The following UBE2E3 variants were observed in gnomAD, a reference collection of about 807,000 sequenced individuals.
UBE2E3 encodes the protein ubiquitin-conjugating enzyme E2 E3.
In UBE2E3, 5 loss-of-function variants were observed where a neutral mutation model predicts 23.6. That is an observed-to-expected ratio of 0.21 (90% CI 0.11 to 0.44). The LOEUF (loss-of-function observed/expected upper bound fraction) is 0.44. UBE2E3 is among the 20% of genes least tolerant of loss of function. The pLI is 0.99. For synonymous variants in UBE2E3, 78 were observed against 87.5 expected, an observed-to-expected ratio of 0.89 and a Z score of 0.60; for missense variants, 81 against 249.8, an observed-to-expected ratio of 0.32 and a Z score of 4.55.
chr2:180,985,888 A>G (rs1204348790), intron 3 of UBE2E3, among the ~76,000 whole-genome samples: 3 of 139,188 alleles, frequency 2.2e-5, no homozygotes, highest in Non-Finnish European at 5.0e-5. Flanking sequence ...GTGCCCTCAG[A>G]GCAATAGCCT....
chr2:180,992,927 C>CT (rs528824327), intron 3 of UBE2E3, among the ~76,000 whole-genome samples: 94 of 152,304 alleles, frequency 6.2e-4, no homozygotes, highest in African/African-American at 2.2e-3. Flanking sequence ...GGCTGCTCCA[C>CT]TTTACAAAAC....
chr2:181,002,498 C>T (rs1685019601), intron 3 of UBE2E3, among the ~76,000 whole-genome samples: 1 of 152,036 alleles, frequency 6.6e-6, no homozygotes, highest in Admixed American at 6.6e-5. Flanking sequence ...GATTTGATTG[C>T]CATGATTTAC....
intron 3 of UBE2E3, among the ~76,000 whole-genome samples, chr2:181,034,540 G>A (rs1297615144): frequency 1.3e-5 from 2 of 152,160 alleles, no homozygotes; most frequent in East Asian, 3.9e-4. Flanking sequence ...GGTGGGGGGA[G>A]CGGGGAGAGA....
intron 3 of UBE2E3, among the ~76,000 whole-genome samples, chr2:180,992,135 T>A (rs1388813653): frequency 1.3e-5 from 2 of 152,188 alleles, no homozygotes; most frequent in Non-Finnish European, 2.9e-5. Context: ...TTTGTTGGGT[T>A]TTTTGTCTTG....
chr2:181,015,333 T>C (rs1033826665), intron 3 of UBE2E3, among the ~76,000 whole-genome samples: 45 of 152,214 alleles, frequency 3.0e-4, no homozygotes, highest in African/African-American at 1.1e-3. Context: ...ATGTGTTCTT[T>C]GTGAACTAAA....
chr2:181,037,279 T>C (rs1007451515), intron 3 of UBE2E3, among the ~76,000 whole-genome samples: 2 of 152,228 alleles, frequency 1.3e-5, no homozygotes, highest in Non-Finnish European at 2.9e-5. Flanking sequence ...TTATTGTTAT[T>C]TTAGAGTGTA....
At chr2:181,060,588 C>A in intron 4 of UBE2E3, 77 bp from the exon 5 acceptor site, 1 of 1,310,646 alleles carries the variant, frequency 7.6e-7, no homozygotes, top group South Asian at 1.7e-5. Context: ...TGATATATTA[C>A]CCTTCATTTT....
At chr2:181,035,919 T>G (rs1266967995) in intron 3 of UBE2E3, among the ~76,000 whole-genome samples, 1 of 146,958 alleles carries the variant, frequency 6.8e-6, no homozygotes, top group African/African-American at 2.5e-5. Context: ...TTTATTTTGT[T>G]TGGTGTTGAA....
chr2:180,993,366 G>T (rs1053740400), intron 3 of UBE2E3, among the ~76,000 whole-genome samples: 2 of 152,142 alleles, frequency 1.3e-5, no homozygotes, highest in Admixed American at 6.5e-5. Flanking sequence ...GACTAGTTAT[G>T]CCATTCCAAA....
chr2:180,993,322 C>A (rs1684726350), intron 3 of UBE2E3, among the ~76,000 whole-genome samples: 2 of 152,190 alleles, frequency 1.3e-5, no homozygotes, highest in African/African-American at 4.8e-5. Flanking sequence ...TTGAAAGGAA[C>A]TGTGGTGTAG....
At chr2:181,056,649 C>T (rs939427413) in intron 3 of UBE2E3, among the ~76,000 whole-genome samples, 2 of 151,706 alleles carry the variant, frequency 1.3e-5, no homozygotes, top group African/African-American at 2.4e-5. Context: ...AACATTGCCG[C>T]GTTTGGGGGT....
chr2:181,058,148 CT>C (rs1478461608), intron 4 of UBE2E3, among the ~76,000 whole-genome samples: 1 of 151,658 alleles, frequency 6.6e-6, no homozygotes, highest in Non-Finnish European at 1.5e-5. Context: ...CCTTAATTAA[CT>C]ATTAAGGTAT....
At chr2:181,054,809 T>C (rs1302675702) in intron 3 of UBE2E3, among the ~76,000 whole-genome samples, 3 of 151,628 alleles carry the variant, frequency 2.0e-5, no homozygotes, top group Admixed American at 1.3e-4. Flanking sequence ...ACAGTATATG[T>C]AGGTAGAAAA....
chr2:180,989,214 A>G (rs568058097), intron 3 of UBE2E3, among the ~76,000 whole-genome samples: 1 of 152,238 alleles, frequency 6.6e-6, no homozygotes, highest in East Asian at 1.9e-4. Flanking sequence ...TCTTCAACAC[A>G]ACTGTAATAA....
chr2:181,035,509 T>G lies in UBE2E3; in HGVS notation c.246-22184T>G, dbSNP rs4667037. Among the ~76,000 whole-genome samples the G allele has an allele frequency of 4.4e-3, 673 of 152,302 alleles. 31 individuals carry two copies. The highest frequency in any genetic ancestry group is 0.038 in the Admixed American group (586 of 15,292). On this transcript the variant is annotated intron_variant, in intron 3 of 5. Coordinates refer to ENST00000410062, the MANE Select transcript of UBE2E3 (RefSeq NM_006357.4). ...ATATATTACTCTTAGTAATATTATATATGTATACTTTAATAAACATGTAAA... is the reference window on the plus strand; with the variant it reads ...ATATATTACTCTTAGTAATATTATAGATGTATACTTTAATAAACATGTAAA...
intron 3 of UBE2E3, among the ~76,000 whole-genome samples, chr2:181,039,321 A>C (rs1330921874): frequency 6.6e-6 from 1 of 152,116 alleles, no homozygotes; most frequent in Admixed American, 6.6e-5. Flanking sequence ...GCTGATTAAA[A>C]ACATTTGAAA....
intron 3 of UBE2E3, among the ~76,000 whole-genome samples, chr2:180,990,742 A>T (rs571807070): frequency 6.6e-6 from 1 of 152,212 alleles, no homozygotes; most frequent in Non-Finnish European, 1.5e-5. Flanking sequence ...GTACTAAAGT[A>T]ACATCATGGA....
intron 3 of UBE2E3, among the ~76,000 whole-genome samples, chr2:181,015,442 A>G (rs1425948572): frequency 1.3e-5 from 2 of 152,282 alleles, no homozygotes; most frequent in Admixed American, 1.3e-4. Context: ...ATAGTACTTA[A>G]TGATTTTTGC....
chr2:181,034,533 G>A (rs115828109), intron 3 of UBE2E3, among the ~76,000 whole-genome samples: 1 of 152,154 alleles, frequency 6.6e-6, no homozygotes, highest in Non-Finnish European at 1.5e-5. Flanking sequence ...ACCGTGGGGT[G>A]GGGGGAGCGG....
Sources: gnomAD v4.1 joint callset for allele counts (sites outside exome capture counted in the v4.1 genomes callset) on GRCh38, gnomAD v4.1.1 for gene constraint, MANE v1.5 for transcripts, NCBI Gene and HGNC (gene_info 2026-07-23, HGNC 2026-07-21) for gene names.